Variants in WEE2 observed in about 807,000 individuals in gnomAD.
WEE2 encodes the protein wee1-like protein kinase 2.
Under a neutral mutation model 60.1 loss-of-function variants are expected in WEE2, and 50 were observed. The observed-to-expected ratio is 0.83, with a 90% CI of 0.66 to 1.05. WEE2 has a LOEUF of 1.05. Among genes scored for constraint, WEE2 ranks in the 50% least tolerant of loss-of-function variants. The pLI, the probability that WEE2 is intolerant of heterozygous loss-of-function variation, is 0.00. For synonymous variants in WEE2, 240 were observed against 241.0 expected, an observed-to-expected ratio of 1.00 and a Z score of 0.04; for missense variants, 631 against 684.3, an observed-to-expected ratio of 0.92 and a Z score of 0.87.
rs973812791 is a variant in WEE2, at chr7:141,721,040, G to C, written c.864G>C (p.Gln288His). Reference protein sequence around the residue: ...SWAEDDHMIIQNEYCNGGSLQ... With the variant: ...SWAEDDHMIIHNEYCNGGSLQ... Reference sequence around the variant, plus strand: ...CAGAAGATGACCACATGATCATTCAGAATGAATACTGCAATGGTAAGTAGT... The same window carrying C: ...CAGAAGATGACCACATGATCATTCACAATGAATACTGCAATGGTAAGTAGT... The change falls in exon 5 of 12, where the codon CAG becomes CAC. Residue 288 changes from glutamine to histidine, a missense_variant. Physicochemically the swap from Gln to His is conservative, Grantham distance 24. Coordinates refer to ENST00000397541, the MANE Select transcript of WEE2 (RefSeq NM_001105558.1). 19 of 1,614,042 alleles carry C rather than the reference G, an allele frequency of 1.2e-5. No homozygotes were observed. Among genetic ancestry groups the C allele is most frequent in the African/African-American group, 2.7e-5 (2 of 74,922 alleles).
chr7:141,730,197 C>A, intron 11 of WEE2, 98 bp from the exon 12 acceptor site: 1 of 1,139,582 alleles, frequency 8.8e-7, no homozygotes, highest in Non-Finnish European at 1.3e-6. Flanking sequence ...CTCAAGGGTC[C>A]CAGACACAAT....
chr7:141,714,627 T>C (rs1563012925), intron 2 of WEE2, among the ~76,000 whole-genome samples: 1 of 152,206 alleles, frequency 6.6e-6, no homozygotes. Context: ...GCTTTCTCTA[T>C]AAAAGGATAA....
chr7:141,719,024 A>G (rs536719509), intron 3 of WEE2, 48 bp from the exon 4 acceptor site: 3 of 1,580,412 alleles, frequency 1.9e-6, no homozygotes, highest in Admixed American at 3.5e-5. Flanking sequence ...TTTATTGCTT[A>G]CAACATGGTA....
intron 1 of WEE2, among the ~76,000 whole-genome samples, chr7:141,709,349 T>A (rs551508215): frequency 6.6e-6 from 1 of 152,126 alleles, no homozygotes; most frequent in Non-Finnish European, 1.5e-5. Context: ...CAAACAAATC[T>A]TGGGTAGAAA....
chr7:141,725,234 C>A lies in WEE2; in HGVS notation c.1392+38C>A, dbSNP rs774928791. 6.9e-6 allele frequency: 11 copies of A among 1,586,016 alleles called. No individual in the cohort carries two copies. The East Asian group carries it at 2.5e-4, about 36-fold the overall frequency. ...ACGAGATGAACAGAAGATGCAATAT[C>A]TATTTTTTTAGTGCGATGGCAACTA... On this transcript the variant is annotated intron_variant, in intron 9 of 11. Coordinates refer to ENST00000397541, the MANE Select transcript of WEE2 (RefSeq NM_001105558.1).
rs551508215 is a variant in WEE2, at chr7:141,709,349, T to C, written c.342+249T>C. Among the ~76,000 whole-genome samples, 6 of 152,246 alleles carry C rather than the reference T, an allele frequency of 3.9e-5. No homozygotes were observed. In the East Asian group the frequency reaches 1.2e-3, roughly 29 times the overall value. ...GTTGGCTATTGGCCACAAACAAATC[T>C]TGGGTAGAAAAAAGTCCCTAGTTAA... On this transcript the variant is annotated intron_variant, in intron 1 of 11. Transcript: ENST00000397541.
intron 1 of WEE2, 95 bp downstream of exon 1, chr7:141,709,195 C>G: frequency 1.1e-6 from 1 of 913,714 alleles, no homozygotes; most frequent in East Asian, 2.4e-5. Context: ...GTATGACAGT[C>G]ACCTCCAGGC....
At chr7:141,720,885 G>A (rs1486122765) in intron 4 of WEE2, 50 bp from the exon 5 acceptor site, 1 of 1,592,338 alleles carries the variant, frequency 6.3e-7, no homozygotes, top group Non-Finnish European at 8.6e-7. Context: ...ATTTTTGTGT[G>A]CATTATCTTG....
chr7:141,714,222 G>T lies in WEE2; in HGVS notation c.356G>T (p.Arg119Leu). 6.2e-7 allele frequency: 1 copy of T among 1,611,422 alleles called. No individual in the cohort carries two copies. Among genetic ancestry groups the T allele is most frequent in the Non-Finnish European group, 8.5e-7 (1 of 1,179,044 alleles). ...SPSTPKTMLS[R>L]LVISPTGKLP... ...ATCCTCATTCAGACCATGCTGAGCC[G>T]GTTGGTGATTTCTCCAACAGGGAAG... Residue 119 changes from arginine (R) to leucine (L), a missense_variant, in exon 2 of 12, where the codon CGG becomes CTG. Physicochemically the swap from Arg to Leu is moderately radical, Grantham distance 102. Coordinates refer to ENST00000397541, the MANE Select transcript of WEE2 (RefSeq NM_001105558.1).
At position 141,716,203 on chromosome 7, in the gene WEE2, T is replaced by A. The variant is rs576631907; in HGVS notation, c.540-19T>A. 22 of 1,593,624 alleles carry A rather than the reference T, an allele frequency of 1.4e-5. No homozygotes were observed. Among genetic ancestry groups the A allele is most frequent in the Non-Finnish European group, 1.7e-5 (20 of 1,167,182 alleles). On this transcript the variant is annotated intron_variant, in intron 2 of 11. Transcript: ENST00000397541. ...AAATATTAATTATATATTGATAAAC[T>A]TTTTTTTTCTTTTTTAAGTGAGGAA...
intron 1 of WEE2, among the ~76,000 whole-genome samples, chr7:141,710,765 T>C (rs771710253): frequency 1.4e-4 from 22 of 152,078 alleles, no homozygotes; most frequent in Non-Finnish European, 3.2e-4. Flanking sequence ...GAAAACAGCA[T>C]GTTATTCAGT....
rs752985552 is a variant in WEE2, at chr7:141,730,292, C to T, written c.1679-3C>T. On this transcript the variant is annotated splice_region_variant and splice_polypyrimidine_tract_variant and intron_variant, in intron 11 of 11. Coordinates refer to ENST00000397541, the MANE Select transcript of WEE2 (RefSeq NM_001105558.1). ...ATTTACTTCTCACACTTTTGATGAA[C>T]AGCAGGAGAGCGTGAGCCTCTGCAT... The T allele has an allele frequency of 5.6e-6, 9 of 1,613,228 alleles. No homozygotes were observed. The Admixed American group carries it at 1.5e-4, about 27-fold the overall frequency.
intron 2 of WEE2, 129 bp downstream of exon 2, chr7:141,714,534 C>T (rs974025615): frequency 1.8e-5 from 12 of 675,642 alleles, no homozygotes; most frequent in Non-Finnish European, 2.9e-5. Context: ...TACATATTCT[C>T]CCCTTCCTAG....
At chr7:141,728,493 A>G (rs994429783) in intron 10 of WEE2, among the ~76,000 whole-genome samples, 1 of 151,906 alleles carries the variant, frequency 6.6e-6, no homozygotes, top group African/African-American at 2.4e-5. Flanking sequence ...GCTAATAAAG[A>G]AAGTACAAAG....
chr7:141,712,420 CCT>C lies in WEE2; in HGVS notation c.343-1784_343-1783del, dbSNP rs1292220536. On this transcript the variant is annotated intron_variant, in intron 1 of 11. Coordinates refer to ENST00000397541, the MANE Select transcript of WEE2 (RefSeq NM_001105558.1). ...AGCTATTCCTTATGGAATTATTTGCCCTCTCTAGAGCACATTTATACTCTCAA... is the reference window on the plus strand; with the variant it reads ...AGCTATTCCTTATGGAATTATTTGCCCTCTAGAGCACATTTATACTCTCAA... Among the ~76,000 whole-genome samples, 4 of 152,188 alleles carry C rather than the reference CCT, an allele frequency of 2.6e-5. No individual in the cohort carries two copies. The East Asian group carries it at 7.7e-4, about 29-fold the overall frequency.
intron 4 of WEE2, 91 bp downstream of exon 4, chr7:141,719,335 T>G: frequency 8.4e-7 from 1 of 1,194,390 alleles, no homozygotes; most frequent in East Asian, 2.4e-5. Flanking sequence ...ACCGATGTCA[T>G]TAAAAATCAT....
intron 11 of WEE2, among the ~76,000 whole-genome samples, chr7:141,729,987 C>CT (rs1290058314): frequency 6.1e-5 from 7 of 115,070 alleles, no homozygotes; most frequent in African/African-American, 1.8e-4. Flanking sequence ...GACTCTGTAT[C>CT]TAAAAAAAAA....
Position 141,711,246 on chromosome 7 carries a change from A to C in WEE2, c.342+2146A>C, listed in dbSNP as rs1368943455. Among the ~76,000 whole-genome samples the C allele has an allele frequency of 6.6e-6, 1 of 152,202 alleles. No individual in the cohort carries two copies. Among genetic ancestry groups the C allele is most frequent in the Non-Finnish European group, 1.5e-5 (1 of 68,040 alleles). ...ATTTGGATATCTACAGCATTTAGGA[A>C]GTAGTTGAGGCCATGGGTGGAGATA... On this transcript the variant is annotated intron_variant, in intron 1 of 11. Transcript: ENST00000397541. This position sits in a 1 kb window ranked among gnomAD's most constrained non-coding sequence, Gnocchi z 4.2.
intron 3 of WEE2, among the ~76,000 whole-genome samples, chr7:141,718,710 T>G (rs981282201): frequency 2.6e-5 from 4 of 152,172 alleles, no homozygotes; most frequent in Non-Finnish European, 5.9e-5. Context: ...TTCTTTTAAT[T>G]TGCTCCACCC....
Sources: gnomAD v4.1 joint callset for allele counts (sites outside exome capture counted in the v4.1 genomes callset) on GRCh38, gnomAD v4.1.1 for gene constraint, Gnocchi (gnomAD v3.1) non-coding constraint, MANE v1.5 for transcripts, NCBI Gene and HGNC (gene_info 2026-07-23, HGNC 2026-07-21) for gene names.